EPB41L4A: variants seen among roughly 807,000 people sequenced by gnomAD.
EPB41L4A encodes erythrocyte membrane protein band 4.1 like 4A.
Under a neutral mutation model 108.6 loss-of-function variants are expected in EPB41L4A, and 100 were observed. That is an observed-to-expected ratio of 0.92 (90% CI 0.78 to 1.09). The LOEUF (loss-of-function observed/expected upper bound fraction) is 1.09, where lower values mean the gene tolerates loss of function less well. Among genes scored for constraint, EPB41L4A ranks in the 50% least tolerant of loss-of-function variants. EPB41L4A has a pLI of 0.00. For synonymous variants in EPB41L4A, 319 were observed against 289.0 expected, an observed-to-expected ratio of 1.10 and a Z score of -1.05; for missense variants, 1,030 against 842.7, an observed-to-expected ratio of 1.22 and a Z score of -2.75.
intron 1 of EPB41L4A, among the ~76,000 whole-genome samples, chr5:112,309,765 C>T (rs1754927261): frequency 1.3e-5 from 2 of 152,170 alleles, no homozygotes; most frequent in Non-Finnish European, 2.9e-5. Flanking sequence ...GCACTTTCTC[C>T]AGCAGAAGGG....
intron 13 of EPB41L4A, among the ~76,000 whole-genome samples, chr5:112,208,764 TC>T (rs1762589494): frequency 6.6e-6 from 1 of 152,200 alleles, no homozygotes; most frequent in Non-Finnish European, 1.5e-5. Flanking sequence ...AGGATTGTAC[TC>T]CTTCTGCACA....
chr5:112,325,823 C>T (rs981797825), intron 1 of EPB41L4A, among the ~76,000 whole-genome samples: 3 of 152,102 alleles, frequency 2.0e-5, no homozygotes, highest in African/African-American at 7.2e-5. Context: ...TAAAGGTCAT[C>T]CCCAGCTCTG....
At chr5:112,413,757 G>A (rs1202437978) in intron 1 of EPB41L4A, among the ~76,000 whole-genome samples, 1 of 152,166 alleles carries the variant, frequency 6.6e-6, no homozygotes, top group Non-Finnish European at 1.5e-5. Flanking sequence ...CCAATCAGCA[G>A]GAATCTCATG....
rs188205734 is a variant in EPB41L4A at position 112,169,162 on chromosome 5, T to C, written c.1740-57A>G. 534 of 1,238,948 alleles carry C rather than the reference T, an allele frequency of 4.3e-4. 3 individuals are homozygous for C. In the South Asian group the frequency reaches 5.4e-3, roughly 13 times the overall value. 76.7% of individuals were successfully genotyped at this position (1,238,948 alleles called of 1,614,324 possible). On this transcript the variant is annotated intron_variant, in intron 20 of 22. Coordinates refer to ENST00000261486, the MANE Select transcript of EPB41L4A (RefSeq NM_022140.5). ...ACACCCAAAGTCAGAAAAGGAAAAG[T>C]AGGAGTTCTTAATATTGAAACCGCA...
intron 15 of EPB41L4A, among the ~76,000 whole-genome samples, chr5:112,199,332 G>C (rs1210780054): frequency 6.6e-6 from 1 of 152,112 alleles, no homozygotes; most frequent in Non-Finnish European, 1.5e-5. Flanking sequence ...CTAGTATTCT[G>C]GGAATGAAGA....
intron 1 of EPB41L4A, among the ~76,000 whole-genome samples, chr5:112,372,624 G>A (rs987716913): frequency 9.2e-5 from 14 of 152,170 alleles, no homozygotes; most frequent in Non-Finnish European, 1.6e-4. Context: ...GTGGGTGGAG[G>A]GGAAAGTGGT....
intron 2 of EPB41L4A, among the ~76,000 whole-genome samples, chr5:112,291,557 G>C (rs1753645109): frequency 6.6e-6 from 1 of 152,138 alleles, no homozygotes. Flanking sequence ...CCTGCCCCTA[G>C]CAGGACTCTA....
At chr5:112,265,512 G>C (rs1724426735) in intron 5 of EPB41L4A, among the ~76,000 whole-genome samples, 1 of 152,082 alleles carries the variant, frequency 6.6e-6, no homozygotes, top group Non-Finnish European at 1.5e-5. Flanking sequence ...ATACAAGAAA[G>C]CCCACTATAT....
intron 12 of EPB41L4A, among the ~76,000 whole-genome samples, chr5:112,218,773 A>G (rs555413241): frequency 1.5e-4 from 23 of 152,230 alleles, no homozygotes; most frequent in Admixed American, 1.3e-4. Flanking sequence ...GTTTGAGCTC[A>G]TCTCAAGGAC....
intron 1 of EPB41L4A, among the ~76,000 whole-genome samples, chr5:112,314,392 G>A (rs1225515886): frequency 6.6e-6 from 1 of 151,184 alleles, no homozygotes; most frequent in Non-Finnish European, 1.5e-5. Context: ...AGTCAGCCGG[G>A]CATGGTGGCT....
At chr5:112,408,054 G>A (rs560979859) in intron 1 of EPB41L4A, among the ~76,000 whole-genome samples, 1 of 152,286 alleles carries the variant, frequency 6.6e-6, no homozygotes, top group East Asian at 1.9e-4. Flanking sequence ...GATGCATAAA[G>A]ATAGTCATGT....
chr5:112,204,668 A>G, intron 14 of EPB41L4A, 180 bp from the exon 15 acceptor site: 1 of 470,092 alleles, frequency 2.1e-6, no homozygotes, highest in Non-Finnish European at 3.9e-6. Flanking sequence ...CTGGCAAATC[A>G]AATCATAAAG....
intron 7 of EPB41L4A, among the ~76,000 whole-genome samples, chr5:112,261,720 G>C (rs1751496549): frequency 6.6e-6 from 1 of 152,164 alleles, no homozygotes; most frequent in African/African-American, 2.4e-5. Context: ...GATACCTACA[G>C]TAGGTGGTAA....
intron 1 of EPB41L4A, chr5:112,363,812 C>A (rs537379578): frequency 6.6e-6 from 1 of 152,274 alleles, no homozygotes; most frequent in South Asian, 2.1e-4. Flanking sequence ...TCAGCGGTTT[C>A]TATTAAAACT....
At chr5:112,375,352 C>T (rs1374309074) in intron 1 of EPB41L4A, among the ~76,000 whole-genome samples, 1 of 149,978 alleles carries the variant, frequency 6.7e-6, no homozygotes. Context: ...CACACACACA[C>T]ACACCCCTTC....
intron 1 of EPB41L4A, among the ~76,000 whole-genome samples, chr5:112,351,083 A>C (rs1270588606): frequency 6.6e-6 from 1 of 152,234 alleles, no homozygotes; most frequent in Non-Finnish European, 1.5e-5. Context: ...GAACTAGAAA[A>C]ACAAGAACAA....
intron 1 of EPB41L4A, among the ~76,000 whole-genome samples, chr5:112,354,011 A>G (rs1342048935): frequency 6.6e-6 from 1 of 152,174 alleles, no homozygotes; most frequent in East Asian, 1.9e-4. Flanking sequence ...TTTGAAAACC[A>G]TATATGTAGT....
chr5:112,398,058 A>G (rs1037823940), intron 1 of EPB41L4A, among the ~76,000 whole-genome samples: 2 of 152,250 alleles, frequency 1.3e-5, no homozygotes, highest in East Asian at 3.8e-4. Flanking sequence ...AAATGCACAC[A>G]GCATGTTCAT....
chr5:112,348,107 C>T (rs1757803380), intron 1 of EPB41L4A, among the ~76,000 whole-genome samples: 1 of 152,146 alleles, frequency 6.6e-6, no homozygotes, highest in Non-Finnish European at 1.5e-5. Context: ...CCAACATGTG[C>T]CCTACCTATT....
Sources: gnomAD v4.1 joint callset for allele counts (sites outside exome capture counted in the v4.1 genomes callset) on GRCh38, gnomAD v4.1.1 for gene constraint, MANE v1.5 for transcripts, NCBI Gene and HGNC (gene_info 2026-07-23, HGNC 2026-07-21) for gene names.